Variants in HCN1 observed in about 807,000 individuals in gnomAD.
HCN1 encodes the protein hyperpolarization activated cyclic nucleotide gated potassium channel 1, also known as potassium/sodium hyperpolarization-activated cyclic nucleotide-gated channel 1.
HCN1 carries 13 observed loss-of-function variants against 78.9 expected under a neutral mutation model. The observed-to-expected ratio is 0.16, with a 90% CI of 0.11 to 0.26. HCN1 has a LOEUF of 0.26. HCN1 is among the 10% of genes least tolerant of loss of function. The pLI, the probability that HCN1 is intolerant of heterozygous loss-of-function variation, is 1.00. For missense variants in HCN1, 810 were observed against 1,154.3 expected (o/e 0.70, Z 4.32); for synonymous variants, 552 against 455.5 (o/e 1.21, Z -2.70).
intron 2 of HCN1, among the ~76,000 whole-genome samples, chr5:45,496,585 A>G (rs796610752): frequency 6.6e-6 from 1 of 151,814 alleles, no homozygotes; most frequent in Non-Finnish European, 1.5e-5. Context: ...TCTATTTGAT[A>G]CTTCTCTCTT....
intron 5 of HCN1, among the ~76,000 whole-genome samples, chr5:45,311,440 T>G (rs1561099872): frequency 6.6e-6 from 1 of 152,200 alleles, no homozygotes; most frequent in Non-Finnish European, 1.5e-5. Flanking sequence ...ATTAGAAAAT[T>G]TGTTTAAACA....
At chr5:45,557,661 T>C (rs1743499535) in intron 2 of HCN1, among the ~76,000 whole-genome samples, 3 of 152,162 alleles carry the variant, frequency 2.0e-5, no homozygotes, top group Admixed American at 6.6e-5. Context: ...TTGGTAATTC[T>C]TGCAATATTT....
intron 3 of HCN1, among the ~76,000 whole-genome samples, chr5:45,442,480 C>T (rs1344197000): frequency 6.6e-6 from 1 of 150,708 alleles, no homozygotes; most frequent in East Asian, 1.9e-4. Context: ...TTTTTAAAAG[C>T]AATAATTATA....
intron 2 of HCN1, among the ~76,000 whole-genome samples, chr5:45,535,789 C>T (rs1200316183): frequency 6.6e-6 from 1 of 152,118 alleles, no homozygotes; most frequent in Admixed American, 6.5e-5. Context: ...TGAAAATATA[C>T]ATACAGATTA....
chr5:45,537,521 G>GTTTTTT (rs1381285677), intron 2 of HCN1, among the ~76,000 whole-genome samples: 2 of 28,840 alleles, frequency 6.9e-5, no homozygotes, highest in East Asian at 1.2e-3. Flanking sequence ...GCAACTCTAA[G>GTTTTTT]TCTTTTTTTT....
At chr5:45,456,332 T>C (rs781599221) in intron 3 of HCN1, among the ~76,000 whole-genome samples, 1 of 152,002 alleles carries the variant, frequency 6.6e-6, no homozygotes, top group South Asian at 2.1e-4. Context: ...AATAATTAGT[T>C]TGCACATATT....
rs115377453 is a variant in HCN1, at chr5:45,379,890, T to C, written c.1230+16602A>G. ...GCTTCTGTTTGGGATAATGGAAAAG[T>C]TCGAGAAATGGATAGTGGTGATGAT... is the stretch of plus-strand genomic sequence containing the variant. On this transcript the variant is annotated intron_variant, in intron 4 of 7. Coordinates refer to ENST00000303230, the MANE Select transcript of HCN1 (RefSeq NM_021072.4). 2.1e-3 allele frequency among the ~76,000 whole-genome samples: 316 copies of C among 152,026 alleles called. 2 individuals carry two copies. The highest frequency in any genetic ancestry group is 7.3e-3 in the African/African-American group (303 of 41,500).
chr5:45,585,925 G>T (rs1385644132), intron 2 of HCN1, among the ~76,000 whole-genome samples: 1 of 152,206 alleles, frequency 6.6e-6, no homozygotes, highest in Non-Finnish European at 1.5e-5. Flanking sequence ...TGAGGTGTCA[G>T]TCTGCCCCTA....
At chr5:45,655,251 TAATA>T (rs945280495) in intron 1 of HCN1, among the ~76,000 whole-genome samples, 1 of 152,106 alleles carries the variant, frequency 6.6e-6, no homozygotes, top group African/African-American at 2.4e-5. Flanking sequence ...AAGTATTAAC[TAATA>T]AATAAAATAT....
chr5:45,412,314 G>A lies in HCN1; in HGVS notation c.1012-15604C>T, dbSNP rs997610285. Among the ~76,000 whole-genome samples, 4 of 152,044 alleles carry A rather than the reference G, an allele frequency of 2.6e-5. No homozygotes were observed. In the South Asian group the frequency reaches 8.3e-4, roughly 31 times the overall value. ...GTCATCTGCGTATATTGAGGTGTGG[G>A]TATCTGTGTATATCTACCCCAGGCT... On this transcript the variant is annotated intron_variant, in intron 3 of 7. Coordinates refer to ENST00000303230, the MANE Select transcript of HCN1 (RefSeq NM_021072.4).
intron 2 of HCN1, among the ~76,000 whole-genome samples, chr5:45,531,700 T>G (rs1742855590): frequency 6.6e-6 from 1 of 152,198 alleles, no homozygotes; most frequent in Non-Finnish European, 1.5e-5. Context: ...GTCTTGTAGT[T>G]TACTTTGTAG....
At chr5:45,516,786 C>T (rs1742523750) in intron 2 of HCN1, among the ~76,000 whole-genome samples, 1 of 151,888 alleles carries the variant, frequency 6.6e-6, no homozygotes, top group Admixed American at 6.6e-5. Context: ...TTTGATCAGA[C>T]TTGGTATCTT....
intron 2 of HCN1, among the ~76,000 whole-genome samples, chr5:45,492,393 ATAT>A: frequency 3.8e-4 from 1 of 2,632 alleles, no homozygotes; most frequent in African/African-American, 6.7e-4. Context: ...CTTTAAATGA[ATAT>A]ATATATATAT....
At chr5:45,608,353 GT>G (rs1744764648) in intron 2 of HCN1, among the ~76,000 whole-genome samples, 1 of 134,590 alleles carries the variant, frequency 7.4e-6, no homozygotes, top group African/African-American at 2.9e-5. Flanking sequence ...GGTAGGATGG[GT>G]GTATGTGTGT....
Position 45,396,531 on chromosome 5 carries a change from G to A in HCN1, c.1191C>T (p.Ile397=). 7 of 1,613,716 alleles carry A rather than the reference G, an allele frequency of 4.3e-6. No homozygotes were observed. The highest frequency in any genetic ancestry group is 5.9e-6 in the Non-Finnish European group (7 of 1,179,868). ...AMFVGHATAL[I]QSLDSSRRQY... ...GCCGCCTCGAAGAATCCAGAGACTG[G>A]ATTAAAGCGGTGGCATGGCCGACAA... The change falls in exon 4 of 8, where the codon ATC becomes ATT. Residue 397 remains isoleucine (I), a synonymous_variant. Transcript: ENST00000303230.
At chr5:45,678,455 T>C (rs1366724200) in intron 1 of HCN1, among the ~76,000 whole-genome samples, 3 of 151,984 alleles carry the variant, frequency 2.0e-5, no homozygotes, top group Non-Finnish European at 2.9e-5. Context: ...AACATTTATA[T>C]AGTGGTAGAT....
chr5:45,431,667 C>T (rs1041064432), intron 3 of HCN1, among the ~76,000 whole-genome samples: 7 of 152,096 alleles, frequency 4.6e-5, no homozygotes, highest in African/African-American at 1.7e-4. Context: ...ACCAATTATC[C>T]CCAAACCATT....
intron 5 of HCN1, among the ~76,000 whole-genome samples, chr5:45,342,233 CTTTCCTTTTT>C (rs1746597733): frequency 6.7e-6 from 1 of 149,666 alleles, no homozygotes; most frequent in Non-Finnish European, 1.5e-5. Context: ...TCATATATTT[CTTTCCTTTTT>C]TTTTTTTTGA....
chr5:45,455,359 A>C (rs1741009132), intron 3 of HCN1, among the ~76,000 whole-genome samples: 1 of 152,020 alleles, frequency 6.6e-6, no homozygotes, highest in Non-Finnish European at 1.5e-5. Context: ...AAATGTATTC[A>C]TTGTTGAGCT....
Sources: gnomAD v4.1 joint callset for allele counts (sites outside exome capture counted in the v4.1 genomes callset) on GRCh38, gnomAD v4.1.1 for gene constraint, MANE v1.5 for transcripts, NCBI Gene and HGNC (gene_info 2026-07-23, HGNC 2026-07-21) for gene names.